The following MAST2 variants were observed in gnomAD, a reference collection of about 807,000 sequenced individuals.
MAST2 encodes microtubule-associated serine/threonine-protein kinase 2.
MAST2 carries 70 observed loss-of-function variants against 147.4 expected under a neutral mutation model. The ratio of observed to expected loss-of-function variants is 0.47; its 90% CI spans 0.39 to 0.58. The LOEUF (loss-of-function observed/expected upper bound fraction) is 0.58, where lower values mean the gene tolerates loss of function less well. MAST2 is among the 20% of genes least tolerant of loss of function. The pLI is 0.00. For synonymous variants in MAST2, 869 were observed against 896.8 expected, an observed-to-expected ratio of 0.97 and a Z score of 0.55; for missense variants, 2,080 against 2,302.3, an observed-to-expected ratio of 0.90 and a Z score of 1.98.
intron 3 of MAST2, among the ~76,000 whole-genome samples, chr1:45,851,374 T>C (rs1173012110): frequency 6.6e-6 from 1 of 152,060 alleles, no homozygotes; most frequent in African/African-American, 2.4e-5. Flanking sequence ...TTTGGCGGAG[T>C]CTTTAGGGTT....
intron 4 of MAST2, among the ~76,000 whole-genome samples, chr1:45,927,773 G>C (rs1448201200): frequency 2.6e-5 from 4 of 152,176 alleles, no homozygotes; most frequent in African/African-American, 9.7e-5. Flanking sequence ...ATAAAGACAG[G>C]CATAGGAAAG....
chr1:45,973,428 G>A (rs2149004196), intron 5 of MAST2, among the ~76,000 whole-genome samples: 1 of 152,200 alleles, frequency 6.6e-6, no homozygotes, highest in South Asian at 2.1e-4. Context: ...ACAGTCATTT[G>A]ATCCTGGGAC....
chr1:45,880,434 A>G (rs1048829229), intron 3 of MAST2, among the ~76,000 whole-genome samples: 19 of 152,226 alleles, frequency 1.2e-4, no homozygotes, highest in African/African-American at 4.3e-4. Context: ...AAGAAAGGAC[A>G]TGGTGGAACT....
chr1:45,840,726 T>C (rs933496974), intron 3 of MAST2, among the ~76,000 whole-genome samples: 10 of 152,192 alleles, frequency 6.6e-5, no homozygotes, highest in African/African-American at 2.4e-4. Context: ...GAGTATACTC[T>C]TGTAACAAGT....
chr1:45,977,654 G>A (rs990732298), intron 5 of MAST2, among the ~76,000 whole-genome samples: 1 of 151,844 alleles, frequency 6.6e-6, no homozygotes, highest in Non-Finnish European at 1.5e-5. Context: ...AAAAAAATTA[G>A]CCAAGCATGG....
intron 28 of MAST2, 36 bp from the exon 29 acceptor site, chr1:46,034,502 G>C (rs1387269611): frequency 4.4e-6 from 7 of 1,585,462 alleles, no homozygotes; most frequent in South Asian, 1.1e-5. Flanking sequence ...ACACTGCTCT[G>C]CTTTTGTCTG....
intron 4 of MAST2, among the ~76,000 whole-genome samples, chr1:45,935,613 T>TA (rs1656075225): frequency 6.6e-6 from 1 of 152,244 alleles, no homozygotes; most frequent in Non-Finnish European, 1.5e-5. Flanking sequence ...TGCATACGGC[T>TA]AGCCAGTTAT....
At chr1:45,856,076 A>G (rs1444484302) in intron 3 of MAST2, among the ~76,000 whole-genome samples, 6 of 152,254 alleles carry the variant, frequency 3.9e-5, no homozygotes, top group African/African-American at 1.4e-4. Context: ...ACAGTGCAAT[A>G]TAATTTTTAT....
At chr1:45,952,735 A>C (rs1659109045) in intron 4 of MAST2, among the ~76,000 whole-genome samples, 1 of 152,220 alleles carries the variant, frequency 6.6e-6, no homozygotes, top group African/African-American at 2.4e-5. Context: ...CATACTTGCT[A>C]AATTAGCAGT....
intron 3 of MAST2, among the ~76,000 whole-genome samples, chr1:45,833,824 A>C (rs1447256529): frequency 2.7e-5 from 4 of 149,950 alleles, no homozygotes; most frequent in Non-Finnish European, 5.9e-5. Context: ...ACCTGAATCC[A>C]ATTTCTTCTC....
At chr1:45,984,158 T>A (rs1644521842) in intron 5 of MAST2, among the ~76,000 whole-genome samples, 1 of 152,132 alleles carries the variant, frequency 6.6e-6, no homozygotes. Flanking sequence ...CAAGAAAAAT[T>A]GCTGACATTA....
intron 3 of MAST2, among the ~76,000 whole-genome samples, chr1:45,857,778 G>A (rs1645838443): frequency 6.7e-6 from 1 of 150,110 alleles, no homozygotes; most frequent in African/African-American, 2.5e-5. Flanking sequence ...AGGCCCCAGT[G>A]TGTGATGTTC....
rs570275760 is a variant in MAST2 at position 45,868,109 on chromosome 1, G to A, written c.469-14255G>A. Among the ~76,000 whole-genome samples, 4 of 152,282 alleles carry A rather than the reference G, an allele frequency of 2.6e-5. No homozygotes were observed. The South Asian group carries it at 6.2e-4, about 24-fold the overall frequency. ...TCTTTACACTGGAGGAGCCTCTGTCGGTGTAGGAATTGACACTGTTTTGCT... is the reference window on the plus strand; with the variant it reads ...TCTTTACACTGGAGGAGCCTCTGTCAGTGTAGGAATTGACACTGTTTTGCT... On this transcript the variant is annotated intron_variant, in intron 3 of 28. Coordinates refer to ENST00000361297, the MANE Select transcript of MAST2 (RefSeq NM_015112.3).
intron 16 of MAST2, among the ~76,000 whole-genome samples, chr1:46,026,823 C>T (rs554198740): frequency 6.6e-6 from 1 of 152,202 alleles, no homozygotes; most frequent in South Asian, 2.1e-4. Flanking sequence ...ATAAGACAGA[C>T]CTGAATTCAA....
intron 5 of MAST2, among the ~76,000 whole-genome samples, chr1:45,986,159 C>T (rs112587737): frequency 6.6e-6 from 1 of 152,178 alleles, no homozygotes; most frequent in African/African-American, 2.4e-5. Context: ...GGTGTTAGCT[C>T]TAAGTTTGTC....
intron 16 of MAST2, among the ~76,000 whole-genome samples, chr1:46,027,043 G>A (rs1010847310): frequency 6.6e-6 from 1 of 152,194 alleles, no homozygotes; most frequent in South Asian, 2.1e-4. Context: ...CTGAGGAGGG[G>A]AACCAGTTGG....
chr1:45,899,241 G>C (rs1183069154), intron 4 of MAST2, among the ~76,000 whole-genome samples: 1 of 151,086 alleles, frequency 6.6e-6, no homozygotes, highest in Non-Finnish European at 1.5e-5. Context: ...AATTTTATTT[G>C]GAGGAGATTT....
At chr1:45,864,557 TATCATTTTGAGTCTAAAATACAGGC>T (rs1270429591) in intron 3 of MAST2, among the ~76,000 whole-genome samples, 6 of 152,242 alleles carry the variant, frequency 3.9e-5, no homozygotes, top group African/African-American at 1.2e-4. Context: ...ACTGGTTTTA[TATCATTTTGAGTCTAAAATACAGGC>T]ATCAGAATCG....
At chr1:45,825,592 C>T (rs777378136) in intron 2 of MAST2, among the ~76,000 whole-genome samples, 48 of 151,700 alleles carry the variant, frequency 3.2e-4, no homozygotes, top group Non-Finnish European at 2.2e-4. Flanking sequence ...ACCACCATGC[C>T]TGGCTAATTT....
Sources: allele counts gnomAD v4.1 joint callset (sites outside exome capture counted in the v4.1 genomes callset), GRCh38; gene constraint gnomAD v4.1.1; transcripts MANE v1.5; gene names NCBI Gene and HGNC (gene_info 2026-07-23, HGNC 2026-07-21).